SV2C: variants seen among roughly 807,000 people sequenced by gnomAD.
SV2C encodes the protein synaptic vesicle glycoprotein 2C, also known as solute carrier family 22 member B3.
In SV2C, 49 loss-of-function variants were observed where a neutral mutation model predicts 79.7. That is an observed-to-expected ratio of 0.61 (90% confidence interval 0.49 to 0.78). SV2C has a LOEUF of 0.78. Ranked by LOEUF, SV2C falls within the 30% of genes least tolerant of loss-of-function variation. The probability of loss-of-function intolerance (pLI) is 0.00; values close to 1 mark genes in which losing one functional copy is unlikely to be tolerated. For missense variants in SV2C, 833 were observed against 912.9 expected (o/e 0.91, Z 1.13); for synonymous variants, 334 against 333.2 (o/e 1.00, Z -0.03).
In SV2C at chr5:76,203,919, A is replaced by G. The variant is rs527997513; in HGVS notation, c.762-5817A>G. Among the ~76,000 whole-genome samples, 31 of 152,318 alleles carry G rather than the reference A, an allele frequency of 2.0e-4. No homozygotes were observed. In the South Asian group the frequency reaches 6.2e-3, roughly 31 times the overall value. ...GGAAATTCTTGTTCTTGATTTGATG[A>G]TGAGTTAGGTTACCAGTATGTGTTT... On this transcript the variant is annotated intron_variant, in intron 3 of 12. Coordinates refer to ENST00000502798, the MANE Select transcript of SV2C (RefSeq NM_014979.4).
chr5:76,235,916 T>C (rs1745596406), intron 4 of SV2C, among the ~76,000 whole-genome samples: 1 of 152,174 alleles, frequency 6.6e-6, no homozygotes. Context: ...CCCCCACCGG[T>C]TCTATATGAA....
At chr5:75,962,977 C>T in the SV2C span, among the ~76,000 whole-genome samples, 6 of 152,052 alleles carry the variant, frequency 3.9e-5, no homozygotes, top group African/African-American at 1.4e-4. Context: ...AATATCATCA[C>T]CTGCTCAGGG....
chr5:75,998,300 CCTG>C, the SV2C span, among the ~76,000 whole-genome samples: 1 of 151,774 alleles, frequency 6.6e-6, no homozygotes. Context: ...ATGTAACAAA[CCTG>C]CACATTGTGC....
Position 76,185,304 on chromosome 5 carries a change from C to T in SV2C, c.581-9615C>T, listed in dbSNP as rs568686768. Among the ~76,000 whole-genome samples the T allele has an allele frequency of 2.6e-4, 40 of 152,304 alleles. No homozygotes were observed. The South Asian group carries it at 4.6e-3, about 17-fold the overall frequency. Reference sequence around the variant, plus strand: ...CCAGGCACATGGTGCAAGCTGTTGGCAGATCTACCATTCTGGGTTCTGGAG... The same window carrying T: ...CCAGGCACATGGTGCAAGCTGTTGGTAGATCTACCATTCTGGGTTCTGGAG... On this transcript the variant is annotated intron_variant, in intron 2 of 12. Transcript: ENST00000502798.
intron 2 of SV2C, among the ~76,000 whole-genome samples, chr5:76,174,570 C>G (rs1234111465): frequency 6.6e-6 from 1 of 152,200 alleles, no homozygotes; most frequent in Non-Finnish European, 1.5e-5. Flanking sequence ...TGCTATAGAC[C>G]AGGAATCACC....
chr5:76,069,285 T>C, the SV2C span, among the ~76,000 whole-genome samples: 1 of 152,208 alleles, frequency 6.6e-6, no homozygotes, highest in African/African-American at 2.4e-5. Context: ...TGTCTGACTT[T>C]ATGGCTGCTC....
chr5:75,977,647 G>C, the SV2C span, among the ~76,000 whole-genome samples: 1 of 152,174 alleles, frequency 6.6e-6, no homozygotes, highest in Non-Finnish European at 1.5e-5. Context: ...GGCTGAAAGG[G>C]AGCCTCACTC....
chr5:76,066,838 C>G, the SV2C span, among the ~76,000 whole-genome samples: 1 of 149,080 alleles, frequency 6.7e-6, no homozygotes, highest in South Asian at 2.1e-4. Flanking sequence ...AAATTGCTCT[C>G]AGACTTCATT....
Position 76,293,371 on chromosome 5 carries a change from C to G in SV2C, c.1337+1515C>G, listed in dbSNP as rs149071989. Among the ~76,000 whole-genome samples, 8 of 152,260 alleles carry G rather than the reference C, an allele frequency of 5.3e-5. No individual in the cohort carries two copies. In the East Asian group the frequency reaches 1.4e-3, roughly 26 times the overall value. ...TTATCTGGCTTGTTTATTTTGTTTA[C>G]TAATTCATTATTGATCATATTTTAA... is the stretch of plus-strand genomic sequence containing the variant. On this transcript the variant is annotated intron_variant, in intron 8 of 12. Transcript: ENST00000502798.
At chr5:76,283,965 G>C (rs1202992317) in intron 4 of SV2C, among the ~76,000 whole-genome samples, 3 of 152,162 alleles carry the variant, frequency 2.0e-5, no homozygotes, top group South Asian at 4.1e-4. Flanking sequence ...AGCTCTCCTG[G>C]AGATAGGATG....
chr5:76,320,192 TA>T (rs1293471971), intron 12 of SV2C, among the ~76,000 whole-genome samples: 1 of 151,294 alleles, frequency 6.6e-6, no homozygotes, highest in East Asian at 1.9e-4. Flanking sequence ...AGTCAGTCTT[TA>T]AAAAGCTACA....
intron 2 of SV2C, among the ~76,000 whole-genome samples, chr5:76,160,991 G>A (rs945253403): frequency 6.6e-6 from 1 of 152,124 alleles, no homozygotes; most frequent in African/African-American, 2.4e-5. Context: ...GGTAATCACA[G>A]AGTTATTATA....
At chr5:75,944,073 A>C in the SV2C span, among the ~76,000 whole-genome samples, 1 of 152,204 alleles carries the variant, frequency 6.6e-6, no homozygotes, top group African/African-American at 2.4e-5. Context: ...GCTGTAGTGC[A>C]GTGGCACTAC....
chr5:76,139,428 C>G (rs17651014), intron 2 of SV2C, among the ~76,000 whole-genome samples: 14,281 of 152,234 alleles, frequency 0.094, 895 homozygotes, highest in Non-Finnish European at 0.14. Context: ...GCTTGCCCAT[C>G]AGAAATATGC....
At chr5:76,226,745 A>T (rs1745258840) in intron 4 of SV2C, among the ~76,000 whole-genome samples, 1 of 152,188 alleles carries the variant, frequency 6.6e-6, no homozygotes, top group Non-Finnish European at 1.5e-5. Flanking sequence ...GATGTGTCCC[A>T]ATGTTAAGGA....
chr5:76,038,131 C>T, the SV2C span, among the ~76,000 whole-genome samples: 7 of 152,232 alleles, frequency 4.6e-5, no homozygotes, highest in African/African-American at 9.6e-5. Flanking sequence ...CACTGACCTG[C>T]GCCCACTGTC....
At chr5:76,260,620 T>C (rs1746433399) in intron 4 of SV2C, among the ~76,000 whole-genome samples, 2 of 152,230 alleles carry the variant, frequency 1.3e-5, no homozygotes, top group African/African-American at 4.8e-5. Context: ...AATTTTTGTA[T>C]AAGATGTAAG....
the SV2C span, among the ~76,000 whole-genome samples, chr5:75,884,111 A>G: frequency 6.6e-6 from 1 of 152,062 alleles, no homozygotes; most frequent in Non-Finnish European, 1.5e-5. Flanking sequence ...GTCTTGGGAG[A>G]TTTTCTTCAG....
the SV2C span, among the ~76,000 whole-genome samples, chr5:76,045,580 G>A: frequency 6.6e-6 from 1 of 152,110 alleles, no homozygotes; most frequent in African/African-American, 2.4e-5. Flanking sequence ...TATGCATTGA[G>A]CGAATTAGCT....
Sources: gnomAD v4.1 joint callset for allele counts (sites outside exome capture counted in the v4.1 genomes callset) on GRCh38, gnomAD v4.1.1 for gene constraint, MANE v1.5 for transcripts, NCBI Gene and HGNC (gene_info 2026-07-23, HGNC 2026-07-21) for gene names.